Variants in NTRK2 observed in about 807,000 individuals in gnomAD.
NTRK2 encodes the protein BDNF/NT-3 growth factors receptor.
Under a neutral mutation model 94.5 loss-of-function variants are expected in NTRK2, and 13 were observed. The observed-to-expected ratio is 0.14, with a 90% CI of 0.09 to 0.22. NTRK2 has a LOEUF of 0.22. Ranked by LOEUF, NTRK2 falls within the 10% of genes least tolerant of loss-of-function variation. NTRK2 has a pLI of 1.00. For synonymous variants in NTRK2, 372 were observed against 407.4 expected (o/e 0.91, Z 1.05); for missense variants, 639 against 1,071.2 (o/e 0.60, Z 5.63).
At chr9:84,948,180 C>T (rs1440111110) in intron 15 of NTRK2, among the ~76,000 whole-genome samples, 4 of 152,124 alleles carry the variant, frequency 2.6e-5, no homozygotes, top group Admixed American at 6.5e-5. Flanking sequence ...GAAAGAAGCC[C>T]GTGGGAATTA....
At chr9:84,869,127 C>T (rs910866120) in intron 14 of NTRK2, among the ~76,000 whole-genome samples, 21 of 152,210 alleles carry the variant, frequency 1.4e-4, no homozygotes, top group African/African-American at 4.8e-4. Flanking sequence ...GAAGTGCTTT[C>T]TTCCCTTAGA....
At chr9:84,680,891 C>T (rs1228164707) in intron 2 of NTRK2, among the ~76,000 whole-genome samples, 4 of 152,212 alleles carry the variant, frequency 2.6e-5, no homozygotes, top group Non-Finnish European at 4.4e-5. Context: ...TTCTCACTCC[C>T]TCCTTCTTGA....
chr9:84,776,278 G>A (rs1405028840), intron 12 of NTRK2, among the ~76,000 whole-genome samples: 1 of 152,142 alleles, frequency 6.6e-6, no homozygotes, highest in Admixed American at 6.5e-5. Context: ...CTGGAGTGCA[G>A]CAGCATGATC....
Position 84,889,350 on chromosome 9 carries a change from A to G in NTRK2, c.1633+21919A>G, listed in dbSNP as rs78858022. On this transcript the variant is annotated intron_variant, in intron 14 of 18. Coordinates refer to ENST00000277120, the MANE Select transcript of NTRK2 (RefSeq NM_006180.6). ...AAACGCTTTTAAAAAATCTTTCTGT[A>G]ATTCTAAAATACCTTTGATACTTTT... Among the ~76,000 whole-genome samples, 703 of 152,258 alleles carry G rather than the reference A, an allele frequency of 4.6e-3. 12 individuals are homozygous for G. Among genetic ancestry groups the G allele is most frequent in the Admixed American group, 0.037 (571 of 15,298 alleles).
chr9:84,878,647 A>AT (rs1175839024), intron 14 of NTRK2, among the ~76,000 whole-genome samples: 1 of 151,938 alleles, frequency 6.6e-6, no homozygotes, highest in African/African-American at 2.4e-5. Context: ...AAAAAAAAAA[A>AT]AATTCTGATA....
At chr9:84,960,824 A>G (rs1295159960) in intron 17 of NTRK2, among the ~76,000 whole-genome samples, 1 of 152,224 alleles carries the variant, frequency 6.6e-6, no homozygotes. Flanking sequence ...CTGATAGAAG[A>G]TAAGTCTTAC....
At chr9:85,009,692 A>G (rs750765644) in intron 17 of NTRK2, among the ~76,000 whole-genome samples, 6 of 152,212 alleles carry the variant, frequency 3.9e-5, no homozygotes, top group Non-Finnish European at 5.9e-5. Context: ...TACAATCATC[A>G]TAGTAATCAT....
intron 9 of NTRK2, among the ~76,000 whole-genome samples, chr9:84,741,646 AT>A (rs1330923508): frequency 6.6e-6 from 1 of 152,224 alleles, no homozygotes; most frequent in East Asian, 1.9e-4. Context: ...TTTCAAAGCA[AT>A]TTGTGATCTT....
At chr9:84,810,768 T>A in intron 12 of NTRK2, 7 of 1,447,768 alleles carry the variant, frequency 4.8e-6, no homozygotes, top group Middle Eastern at 2.5e-4. Context: ...GAGCTGTGAT[T>A]GGGGAACACC....
chr9:84,942,536 G>A (rs1174699720), intron 15 of NTRK2, among the ~76,000 whole-genome samples: 1 of 152,124 alleles, frequency 6.6e-6, no homozygotes, highest in Admixed American at 6.5e-5. Context: ...GGCTTTTATA[G>A]AACAATGAAG....
At chr9:84,705,474 A>T (rs1292365921) in intron 4 of NTRK2, among the ~76,000 whole-genome samples, 1 of 152,148 alleles carries the variant, frequency 6.6e-6, no homozygotes, top group South Asian at 2.1e-4. Flanking sequence ...AGTATGGCTC[A>T]TAAAACTCAT....
chr9:84,940,273 G>C (rs1215390807), intron 15 of NTRK2, among the ~76,000 whole-genome samples: 1 of 152,224 alleles, frequency 6.6e-6, no homozygotes, highest in Non-Finnish European at 1.5e-5. Context: ...AATTGCAGGA[G>C]AGCTTGGCCT....
chr9:84,742,788 A>ATTTT (rs2063748198), intron 10 of NTRK2, among the ~76,000 whole-genome samples: 2 of 79,794 alleles, frequency 2.5e-5, no homozygotes, highest in Non-Finnish European at 4.5e-5. Context: ...CCATTATATT[A>ATTTT]GTTTTTTTTT....
rs373031737 is a variant in NTRK2, at chr9:84,862,333, G to A, written c.1444+1246G>A. 1.1e-3 allele frequency among the ~76,000 whole-genome samples: 165 copies of A among 152,292 alleles called. 2 individuals carry two copies. The highest frequency in any genetic ancestry group is 2.9e-3 in the African/African-American group (119 of 41,562). On this transcript the variant is annotated intron_variant, in intron 13 of 18. Transcript: ENST00000277120. ...TGTTTTACGGGTTTGATGTGTATGC[G>A]TGCGTAGGTGTATCCCGTGTGTTTT...
intron 9 of NTRK2, among the ~76,000 whole-genome samples, chr9:84,732,002 C>T (rs1482428525): frequency 6.6e-6 from 1 of 152,140 alleles, no homozygotes; most frequent in Non-Finnish European, 1.5e-5. Flanking sequence ...AGAGAAAAGA[C>T]CTTCCCAGAC....
chr9:84,753,453 T>C (rs146299686), intron 12 of NTRK2, among the ~76,000 whole-genome samples: 1 of 152,278 alleles, frequency 6.6e-6, no homozygotes, highest in African/African-American at 2.4e-5. Flanking sequence ...TTCTGGAGAA[T>C]ACTGATCCTG....
Position 84,709,959 on chromosome 9 carries a change from C to CTGTGTG in NTRK2, c.429-677_429-676insGTGTGT, listed in dbSNP as rs1491578776. On this transcript the variant is annotated intron_variant, in intron 5 of 18. Coordinates refer to ENST00000277120, the MANE Select transcript of NTRK2 (RefSeq NM_006180.6). ...GTTGCCTTGCCCTCAGAATAGCTTG[C>CTGTGTG]TCTGTGTGTGTGTGTGTGTGTGTGT... is the stretch of plus-strand genomic sequence containing the variant. 7.1e-3 allele frequency among the ~76,000 whole-genome samples: 823 copies of CTGTGTG among 116,414 alleles called. 8 individuals are homozygous for CTGTGTG. The highest frequency in any genetic ancestry group is 0.016 in the African/African-American group (556 of 33,998). 76.4% of individuals were successfully genotyped at this position (116,414 alleles called of 152,430 possible). A position where few individuals can be genotyped will look rare whatever the true frequency, so the allele number is the denominator to read the frequency against.
At chr9:84,798,912 C>CTGTATATATATATA (rs2069994129) in intron 12 of NTRK2, among the ~76,000 whole-genome samples, 1 of 128,034 alleles carries the variant, frequency 7.8e-6, no homozygotes, top group African/African-American at 3.1e-5. Flanking sequence ...CTTCTAAGTG[C>CTGTATATATATATA]TATATATATA....
At chr9:84,882,211 C>T (rs573224280) in intron 14 of NTRK2, among the ~76,000 whole-genome samples, 2 of 152,164 alleles carry the variant, frequency 1.3e-5, no homozygotes, top group Non-Finnish European at 2.9e-5. Flanking sequence ...CACACACACA[C>T]ACTGACCCAC....
Sources: allele counts gnomAD v4.1 joint callset (sites outside exome capture counted in the v4.1 genomes callset), GRCh38; gene constraint gnomAD v4.1.1; transcripts MANE v1.5; gene names NCBI Gene and HGNC (gene_info 2026-07-23, HGNC 2026-07-21).